The following IRAK1BP1 variants were observed in gnomAD, a reference collection of about 807,000 sequenced individuals.
The protein encoded by IRAK1BP1 is interleukin-1 receptor-associated kinase 1-binding protein 1.
Under a neutral mutation model 28.0 loss-of-function variants are expected in IRAK1BP1, and 24 were observed. That is an observed-to-expected ratio of 0.86 (90% CI 0.62 to 1.20). The LOEUF (loss-of-function observed/expected upper bound fraction) is 1.20. Among genes scored for constraint, IRAK1BP1 ranks in the 50% most tolerant of loss-of-function variants. The probability of loss-of-function intolerance (pLI) is 0.00; values close to 1 mark genes in which losing one functional copy is unlikely to be tolerated. For synonymous variants in IRAK1BP1, 131 were observed against 116.3 expected, an observed-to-expected ratio of 1.13 and a Z score of -0.81; for missense variants, 336 against 316.7, an observed-to-expected ratio of 1.06 and a Z score of -0.46.
intron 2 of IRAK1BP1, among the ~76,000 whole-genome samples, chr6:78,891,928 T>C (rs1678285872): frequency 6.6e-6 from 1 of 152,200 alleles, no homozygotes; most frequent in African/African-American, 2.4e-5. Context: ...TTCCATCCAA[T>C]CTTTTTTATT....
At chr6:78,939,762 C>T (rs1403984023) in intron 4 of IRAK1BP1, 1 of 152,234 alleles carries the variant, frequency 6.6e-6, no homozygotes, top group African/African-American at 2.4e-5. Flanking sequence ...TTCCTTGAAT[C>T]CTTTAACCAC....
chr6:78,872,006 G>A (rs1366505696), intron 1 of IRAK1BP1: 14 of 605,758 alleles, frequency 2.3e-5, no homozygotes, highest in Non-Finnish European at 2.7e-5. Context: ...TGTAATGCCA[G>A]GGAATTAAAG....
intron 4 of IRAK1BP1, chr6:78,941,406 C>T (rs1765902860): frequency 1.0e-6 from 1 of 961,716 alleles, no homozygotes. Context: ...CAGTAAGGCC[C>T]CATTGGTATA....
chr6:78,909,295 G>C (rs1170934050), intron 4 of IRAK1BP1, among the ~76,000 whole-genome samples: 1 of 152,116 alleles, frequency 6.6e-6, no homozygotes, highest in African/African-American at 2.4e-5. Context: ...TTCTGACTTA[G>C]CAATATTTTC....
intron 4 of IRAK1BP1, chr6:78,940,631 T>C: frequency 1.0e-6 from 1 of 958,538 alleles, no homozygotes; most frequent in Non-Finnish European, 1.5e-6. Flanking sequence ...GAAGCCTTAG[T>C]TCTACTTATT....
downstream of IRAK1BP1, among the ~76,000 whole-genome samples, chr6:78,905,876 C>T (rs1431820253): frequency 6.6e-6 from 1 of 152,168 alleles, no homozygotes; most frequent in African/African-American, 2.4e-5. Flanking sequence ...GCTGGGATTA[C>T]AGGCGTGAGC....
chr6:78,967,928 A>G, the IRAK1BP1 span, among the ~76,000 whole-genome samples: 1 of 151,914 alleles, frequency 6.6e-6, no homozygotes, highest in African/African-American at 2.4e-5. Context: ...AGGTCAGGAG[A>G]TCAAGACCAT....
At chr6:78,978,149 T>C in the IRAK1BP1 span, among the ~76,000 whole-genome samples, 1 of 152,146 alleles carries the variant, frequency 6.6e-6, no homozygotes, top group Non-Finnish European at 1.5e-5. Flanking sequence ...TCTAAGATTA[T>C]AGATTTTTTA....
chr6:78,970,824 C>A, the IRAK1BP1 span: 2 of 1,611,682 alleles, frequency 1.2e-6, no homozygotes, highest in Non-Finnish European at 1.7e-6. Flanking sequence ...GGGATTGATA[C>A]TATATATTTT....
chr6:78,973,483 A>C, the IRAK1BP1 span, among the ~76,000 whole-genome samples: 11 of 90,328 alleles, frequency 1.2e-4, no homozygotes, highest in African/African-American at 4.7e-4. Context: ...TGAGCAAAAT[A>C]ACCAGCTAAC....
chr6:78,908,737 G>A (rs1358051672), intron 4 of IRAK1BP1, among the ~76,000 whole-genome samples: 4 of 152,144 alleles, frequency 2.6e-5, no homozygotes, highest in African/African-American at 9.7e-5. Context: ...CACATAATGG[G>A]GTGGAAAATC....
At chr6:78,890,266 G>A (rs1442645743) in intron 2 of IRAK1BP1, among the ~76,000 whole-genome samples, 2 of 149,662 alleles carry the variant, frequency 1.3e-5, no homozygotes, top group African/African-American at 2.5e-5. Flanking sequence ...ACCAGGGCCT[G>A]TCAGGGGGTG....
chr6:78,890,517 A>T (rs1049211062), intron 2 of IRAK1BP1, among the ~76,000 whole-genome samples: 3 of 152,190 alleles, frequency 2.0e-5, no homozygotes, highest in Admixed American at 1.3e-4. Flanking sequence ...GAATTTCCAT[A>T]TTCAGTGGAC....
the IRAK1BP1 span, among the ~76,000 whole-genome samples, chr6:78,959,664 A>C: frequency 6.6e-6 from 1 of 152,146 alleles, no homozygotes; most frequent in Admixed American, 6.6e-5. Flanking sequence ...AACAGAGTTT[A>C]TTATCAGGTT....
intron 4 of IRAK1BP1, among the ~76,000 whole-genome samples, chr6:78,924,438 C>CA (rs1346077483): frequency 2.0e-5 from 3 of 151,978 alleles, no homozygotes; most frequent in Admixed American, 1.3e-4. Flanking sequence ...GCCTACCAAA[C>CA]AAAAAAAGCC....
the IRAK1BP1 span, chr6:78,955,506 C>G: frequency 3.6e-6 from 2 of 558,088 alleles, no homozygotes; most frequent in Non-Finnish European, 6.3e-6. Flanking sequence ...ATTAACTACA[C>G]TAGACAAAAA....
At chr6:78,874,341 A>G (rs945097991) in intron 1 of IRAK1BP1, among the ~76,000 whole-genome samples, 1 of 152,210 alleles carries the variant, frequency 6.6e-6, no homozygotes, top group African/African-American at 2.4e-5. Context: ...TCACATAGTT[A>G]CTGCTCAGAG....
At chr6:78,966,741 A>C in the IRAK1BP1 span, among the ~76,000 whole-genome samples, 97 of 152,278 alleles carry the variant, frequency 6.4e-4, 1 homozygote, top group South Asian at 8.1e-3. Context: ...TTATCTAAAT[A>C]TTCTCATGTT....
chr6:78,916,341 G>A (rs546243778), intron 4 of IRAK1BP1, among the ~76,000 whole-genome samples: 29 of 152,056 alleles, frequency 1.9e-4, no homozygotes, highest in African/African-American at 6.8e-4. Context: ...AGGTCCTCTT[G>A]GTGGTCTGTA....
Sources: gnomAD v4.1 joint callset for allele counts (sites outside exome capture counted in the v4.1 genomes callset) on GRCh38, gnomAD v4.1.1 for gene constraint, MANE v1.5 for transcripts, NCBI Gene and HGNC (gene_info 2026-07-23, HGNC 2026-07-21) for gene names.